The following GRM1 variants were observed in gnomAD, a reference collection of about 807,000 sequenced individuals.
GRM1 encodes metabotropic glutamate receptor 1.
Under a neutral mutation model 90.9 loss-of-function variants are expected in GRM1, and 33 were observed. That is an observed-to-expected ratio of 0.36 (90% confidence interval 0.28 to 0.49). The LOEUF (loss-of-function observed/expected upper bound fraction) is 0.49. Ranked by LOEUF, GRM1 falls within the 20% of genes least tolerant of loss-of-function variation. The pLI, the probability that GRM1 is intolerant of heterozygous loss-of-function variation, is 0.99. For synonymous variants in GRM1, 700 were observed against 613.2 expected (o/e 1.14, Z -2.09); for missense variants, 1,190 against 1,534.3 (o/e 0.78, Z 3.75).
At chr6:146,349,565 C>T (rs1163312637) in intron 3 of GRM1, among the ~76,000 whole-genome samples, 1 of 152,026 alleles carries the variant, frequency 6.6e-6, no homozygotes, top group East Asian at 1.9e-4. Flanking sequence ...TTCCTGTTCT[C>T]TTGTATTTTT....
intron 2 of GRM1, among the ~76,000 whole-genome samples, chr6:146,172,469 A>G (rs149892415): frequency 1.8e-3 from 274 of 152,348 alleles, no homozygotes; most frequent in African/African-American, 5.9e-3. Flanking sequence ...AGATTTGAGC[A>G]TGGACATCTT....
At chr6:146,196,340 T>A (rs1252594154) in intron 2 of GRM1, among the ~76,000 whole-genome samples, 1 of 150,004 alleles carries the variant, frequency 6.7e-6, no homozygotes, top group Middle Eastern at 3.2e-3. Context: ...CAGGCTGGAC[T>A]GCAGTGGCAC....
intron 1 of GRM1, among the ~76,000 whole-genome samples, chr6:146,102,044 T>G (rs1777069615): frequency 6.6e-6 from 1 of 152,110 alleles, no homozygotes; most frequent in Admixed American, 6.5e-5. Context: ...GTCAGCCTCA[T>G]GCAAGAGTCT....
At chr6:146,049,852 C>G (rs1791463845) in intron 1 of GRM1, among the ~76,000 whole-genome samples, 1 of 151,852 alleles carries the variant, frequency 6.6e-6, no homozygotes. Flanking sequence ...TCATTTGGTC[C>G]TCTCGATAAC....
chr6:146,160,214 A>T (rs1583090566), intron 2 of GRM1, among the ~76,000 whole-genome samples: 1 of 152,354 alleles, frequency 6.6e-6, no homozygotes, highest in African/African-American at 2.4e-5. Context: ...AAGTGAAGAT[A>T]TGCAACGGAA....
At chr6:146,047,776 C>T (rs1191616872) in intron 1 of GRM1, among the ~76,000 whole-genome samples, 4 of 151,926 alleles carry the variant, frequency 2.6e-5, no homozygotes, top group Admixed American at 2.0e-4. Context: ...TAGTTTGAAA[C>T]TTATTGAATT....
chr6:146,083,358 T>C (rs1440071426), intron 1 of GRM1, among the ~76,000 whole-genome samples: 1 of 152,214 alleles, frequency 6.6e-6, no homozygotes, highest in Non-Finnish European at 1.5e-5. Flanking sequence ...AGTGTAATAG[T>C]GGCTGTGGGT....
At chr6:146,087,775 T>C (rs1347344069) in intron 1 of GRM1, among the ~76,000 whole-genome samples, 2 of 152,230 alleles carry the variant, frequency 1.3e-5, no homozygotes, top group Non-Finnish European at 2.9e-5. Context: ...CCTCAAAAGT[T>C]CATTCCTTTT....
chr6:146,054,352 T>G (rs1249387890), intron 1 of GRM1, among the ~76,000 whole-genome samples: 1 of 152,110 alleles, frequency 6.6e-6, no homozygotes, highest in Non-Finnish European at 1.5e-5. Flanking sequence ...ATATATTTTC[T>G]CTCCCATATT....
intron 1 of GRM1, among the ~76,000 whole-genome samples, chr6:146,036,611 G>C (rs887087056): frequency 2.0e-5 from 3 of 151,846 alleles, no homozygotes; most frequent in Non-Finnish European, 4.4e-5. Flanking sequence ...AGGCATTGTA[G>C]TACCAAATAG....
At chr6:146,390,599 GA>G (rs963716889) in intron 6 of GRM1, among the ~76,000 whole-genome samples, 3 of 150,576 alleles carry the variant, frequency 2.0e-5, no homozygotes, top group African/African-American at 7.3e-5. Flanking sequence ...AAAAAAAACG[GA>G]AAATGCTTTA....
chr6:146,258,481 C>T (rs1781568060), intron 2 of GRM1, among the ~76,000 whole-genome samples: 1 of 151,986 alleles, frequency 6.6e-6, no homozygotes, highest in Admixed American at 6.6e-5. Context: ...TTCTAAGTCT[C>T]CTTGATATCT....
At chr6:146,269,812 C>T (rs1369229960) in intron 2 of GRM1, among the ~76,000 whole-genome samples, 2 of 137,108 alleles carry the variant, frequency 1.5e-5, no homozygotes, top group East Asian at 1.9e-4. Flanking sequence ...TGAAACTGGT[C>T]CCTGGTGCCA....
intron 2 of GRM1, among the ~76,000 whole-genome samples, chr6:146,179,229 A>G (rs747658409): frequency 1.3e-5 from 2 of 152,192 alleles, no homozygotes; most frequent in Non-Finnish European, 1.5e-5. Context: ...CTAAACAGCA[A>G]GATTCCTTTC....
intron 1 of GRM1, among the ~76,000 whole-genome samples, chr6:146,089,748 C>T (rs970056778): frequency 6.6e-6 from 1 of 152,028 alleles, no homozygotes; most frequent in Admixed American, 6.6e-5. Flanking sequence ...AATGTGTAAG[C>T]GTATCCTTTT....
chr6:146,279,634 TG>T (rs1391792644), intron 2 of GRM1, among the ~76,000 whole-genome samples: 3 of 152,304 alleles, frequency 2.0e-5, no homozygotes, highest in African/African-American at 7.2e-5. Flanking sequence ...GTGTTATTAT[TG>T]ATTTTTATGT....
At chr6:146,058,653 T>C (rs931899426) in intron 1 of GRM1, among the ~76,000 whole-genome samples, 12 of 152,138 alleles carry the variant, frequency 7.9e-5, no homozygotes, top group Non-Finnish European at 2.9e-5. Context: ...TAACGACTTC[T>C]CTGTAGCATA....
intron 2 of GRM1, among the ~76,000 whole-genome samples, chr6:146,190,442 A>G (rs938698697): frequency 6.6e-6 from 1 of 152,186 alleles, no homozygotes; most frequent in African/African-American, 2.4e-5. Context: ...AAGGGAAAAA[A>G]GTTTCACTAA....
rs892624893 is a variant in GRM1, at chr6:146,190,282, G to C, written c.950+30685G>C. On this transcript the variant is annotated intron_variant, in intron 2 of 7. Coordinates refer to ENST00000282753, the MANE Select transcript of GRM1 (RefSeq NM_001278064.2). ...GGCCAGAGCCACAAATAAGCATGGA[G>C]TCTGAAGTTAGTTTATAAATGTTTT... 7.2e-5 allele frequency among the ~76,000 whole-genome samples: 11 copies of C among 152,310 alleles called. No homozygotes were observed. The East Asian group carries it at 1.4e-3, about 19-fold the overall frequency.
Sources: allele counts gnomAD v4.1 joint callset (sites outside exome capture counted in the v4.1 genomes callset), GRCh38; gene constraint gnomAD v4.1.1; transcripts MANE v1.5; gene names NCBI Gene and HGNC (gene_info 2026-07-23, HGNC 2026-07-21).